Variants in HEATR4 observed in about 807,000 individuals in gnomAD.
HEATR4 encodes HEAT repeat containing 4, also known as HEAT repeat-containing protein 4.
Under a neutral mutation model 108.8 loss-of-function variants are expected in HEATR4, and 95 were observed. The observed-to-expected ratio is 0.87, with a 90% CI of 0.74 to 1.04. The LOEUF (loss-of-function observed/expected upper bound fraction) is 1.04. Among genes scored for constraint, HEATR4 ranks in the 50% least tolerant of loss-of-function variants. HEATR4 has a pLI of 0.00. For missense variants in HEATR4, 1,152 were observed against 1,253.8 expected (o/e 0.92, Z 1.23); for synonymous variants, 443 against 459.4 (o/e 0.96, Z 0.46).
In HEATR4 at chr14:73,537,824, C is replaced by T. The variant is rs1241472292; in HGVS notation, c.-151-7580G>A. On this transcript the variant is annotated intron_variant, in intron 1 of 17. Coordinates refer to ENST00000553558, the MANE Select transcript of HEATR4 (RefSeq NM_001220484.1). Reference sequence around the variant, plus strand: ...GCGCTACTTCCTCCCGCCCGGGGTGCGGCGCGAGCCGGTGCGCGCGGGCCG... The same window carrying T: ...GCGCTACTTCCTCCCGCCCGGGGTGTGGCGCGAGCCGGTGCGCGCGGGCCG... 1.2e-5 allele frequency: 14 copies of T among 1,204,626 alleles called. 4 individuals carry two copies. The highest frequency in any genetic ancestry group is 1.5e-5 in the Non-Finnish European group (14 of 921,376). 74.6% of individuals were successfully genotyped at this position (1,204,626 alleles called of 1,614,324 possible). A position where few individuals can be genotyped will look rare whatever the true frequency, so the allele number is the denominator to read the frequency against.
rs1162595240 is a variant in HEATR4, at chr14:73,509,493, G to A, written c.1559-20C>T. 6.2e-7 allele frequency: 1 copy of A among 1,612,744 alleles called. No homozygotes were observed. The highest frequency in any genetic ancestry group is 1.1e-5 in the South Asian group (1 of 91,018). On this transcript the variant is annotated intron_variant, in intron 7 of 17. Coordinates refer to ENST00000553558, the MANE Select transcript of HEATR4 (RefSeq NM_001220484.1). The stretch of plus-strand genomic sequence containing the variant: ...TCTTGTCTGTGATCAAAAGAGCCAG[G>A]TAAGAGAGTACTAGCCCCTTTGCTT...
chr14:73,497,227 G>C (rs924127803), intron 14 of HEATR4, among the ~76,000 whole-genome samples: 3 of 151,132 alleles, frequency 2.0e-5, no homozygotes, highest in African/African-American at 7.3e-5. Context: ...TTTTAGTAGA[G>C]ACAGGTTTCA....
chr14:73,569,219 C>T, the HEATR4 span: 1 of 1,611,548 alleles, frequency 6.2e-7, no homozygotes, highest in Non-Finnish European at 8.5e-7. Context: ...GGGCGCTTAG[C>T]CTGCGACGGC....
chr14:73,522,731 GAGC>G lies in HEATR4; in HGVS notation c.419_421del (p.Ser140_Ser141delinsThr). The G allele has an allele frequency of 6.2e-7, 1 of 1,614,228 alleles. No individual in the cohort carries two copies. The highest frequency in any genetic ancestry group is 1.1e-5 in the South Asian group (1 of 91,084). ...CTTCAGCTTCTTTTCGGGATTGGCA[GAGC>G]TTTCTGTCTTCACAGCCAGGGAGGT... On this transcript the variant is annotated inframe_deletion, in exon 3 of 18. Coordinates refer to ENST00000553558, the MANE Select transcript of HEATR4 (RefSeq NM_001220484.1).
At chr14:73,607,583 G>A in the HEATR4 span, among the ~76,000 whole-genome samples, 5 of 106,298 alleles carry the variant, frequency 4.7e-5, no homozygotes, top group East Asian at 1.2e-3. Context: ...CTCTGCAGCC[G>A]GCTTGATTTT....
intron 7 of HEATR4, among the ~76,000 whole-genome samples, chr14:73,510,346 A>G (rs1260193912): frequency 6.6e-6 from 1 of 152,102 alleles, no homozygotes; most frequent in Non-Finnish European, 1.5e-5. Context: ...TGGGCCATGC[A>G]TGGCACCAGA....
rs370995902 is a variant in HEATR4 at position 73,498,320 on chromosome 14, C to T, written c.2381G>A (p.Ser794Asn). The change falls in exon 14 of 18, where the codon AGT becomes AAT. Residue 794 changes from serine to asparagine, a missense_variant. Transcript: ENST00000553558. ...IRALGQIGQVSPELTDLLLWA... is the reference protein window; with the variant it reads ...IRALGQIGQVNPELTDLLLWA... The stretch of plus-strand genomic sequence containing the variant: ...GAGCAGAAGATCCGTCAGCTCGGGA[C>T]TTACTTGCCCAATCTGTCCCAAAGC... 5.0e-6 allele frequency: 8 copies of T among 1,607,556 alleles called. No individual in the cohort carries two copies. The highest frequency in any genetic ancestry group is 6.8e-6 in the Non-Finnish European group (8 of 1,175,664).
At chr14:73,619,318 A>G in the HEATR4 span, 1 of 1,613,366 alleles carries the variant, frequency 6.2e-7, no homozygotes, top group Admixed American at 1.7e-5. Context: ...GAAGGGCATC[A>G]CAGCCACTGT....
intron 2 of HEATR4, among the ~76,000 whole-genome samples, chr14:73,524,310 A>AAAAAAAAT: frequency 4.0e-4 from 22 of 54,770 alleles, no homozygotes; most frequent in South Asian, 1.6e-3. Context: ...AAAAAAAAAA[A>AAAAAAAAT]ATATATATAT....
intron 1 of HEATR4, among the ~76,000 whole-genome samples, chr14:73,538,160 A>T (rs1332502381): frequency 2.7e-5 from 3 of 110,738 alleles, no homozygotes; most frequent in African/African-American, 8.8e-5. Context: ...TTTTATTTTT[A>T]TTTTTTTTCG....
At chr14:73,588,854 C>G in the HEATR4 span, among the ~76,000 whole-genome samples, 1 of 151,988 alleles carries the variant, frequency 6.6e-6, no homozygotes, top group African/African-American at 2.4e-5. Context: ...ACCCTGGACC[C>G]TCAGATTAAA....
chr14:73,592,736 C>T, the HEATR4 span, among the ~76,000 whole-genome samples: 1 of 152,238 alleles, frequency 6.6e-6, no homozygotes, highest in Non-Finnish European at 1.5e-5. Flanking sequence ...GCCTGTAGTC[C>T]CAGCCACTCG....
chr14:73,506,684 A>T, intron 9 of HEATR4, 113 bp from the exon 10 acceptor site: 7 of 699,512 alleles, frequency 1.0e-5, no homozygotes, highest in Non-Finnish European at 1.7e-5. Context: ...CAGTGGGCTT[A>T]CAAGAGATGG....
chr14:73,532,233 C>T lies in HEATR4; in HGVS notation c.-151-1989G>A, dbSNP rs1888728181. On this transcript the variant is annotated intron_variant, in intron 1 of 17. Coordinates refer to ENST00000553558, the MANE Select transcript of HEATR4 (RefSeq NM_001220484.1). ...TTTTCCATTCCCCTTTCAGCTCCTC[C>T]ACTGCTACTTAATCTCCTTTGCCCA... is the stretch of plus-strand genomic sequence containing the variant. Among the ~76,000 whole-genome samples, 3 of 114,552 alleles carry T rather than the reference C, an allele frequency of 2.6e-5. 1 individual carries two copies. The allele number at this position is 114,552 out of a possible 152,430, so 75.2% of individuals were successfully genotyped here.
chr14:73,478,486 CT>C lies in HEATR4; in HGVS notation c.*119del. The C allele has an allele frequency of 2.8e-6, 2 of 717,992 alleles. No homozygotes were observed. Among genetic ancestry groups the C allele is most frequent in the Non-Finnish European group, 4.9e-6 (2 of 409,942 alleles). 44.5% of individuals were successfully genotyped at this position (717,992 alleles called of 1,614,324 possible). On this transcript the variant is annotated 3_prime_UTR_variant, in exon 18 of 18. Transcript: ENST00000553558. ...AGTGCGCATTAAGACATGAGGTCTA[CT>C]GTTAAATAATTTCTCTTTATAAACA...
intron 9 of HEATR4, among the ~76,000 whole-genome samples, chr14:73,506,860 G>A (rs929098547): frequency 3.7e-5 from 5 of 133,692 alleles, no homozygotes; most frequent in Non-Finnish European, 7.7e-5. Flanking sequence ...GAGTGCAGTG[G>A]CACAATCTCG....
In HEATR4 at chr14:73,492,082, A is replaced by G. The variant is rs1566820467; in HGVS notation, c.2844+984T>C. The G allele has an allele frequency of 6.2e-7, 1 of 1,613,422 alleles. No individual in the cohort carries two copies. Among genetic ancestry groups the G allele is most frequent in the Non-Finnish European group, 8.5e-7 (1 of 1,179,746 alleles). On this transcript the variant is annotated intron_variant, in intron 17 of 17. Coordinates refer to ENST00000553558, the MANE Select transcript of HEATR4 (RefSeq NM_001220484.1). The surrounding 1 kb of genome is among the most constrained non-coding windows in gnomAD (Gnocchi z 4.9). ...TCGTGCTGCAGCTGGAAGGTAGGAAACTCTGGCGTGTATACCGACCCCGAG... is the reference window on the plus strand; with the variant it reads ...TCGTGCTGCAGCTGGAAGGTAGGAAGCTCTGGCGTGTATACCGACCCCGAG...
chr14:73,497,581 A>G (rs943197320), intron 14 of HEATR4, among the ~76,000 whole-genome samples: 5 of 152,214 alleles, frequency 3.3e-5, no homozygotes, highest in African/African-American at 9.6e-5. Context: ...TGTTGTCCCA[A>G]TAGGCATTTG....
At chr14:73,568,157 GATTA>G in the HEATR4 span, 5 of 152,058 alleles carry the variant, frequency 3.3e-5, no homozygotes, top group African/African-American at 7.2e-5. Flanking sequence ...GGAATTGTAT[GATTA>G]ATGACGTGGG....
Sources: gnomAD v4.1 joint callset for allele counts (sites outside exome capture counted in the v4.1 genomes callset) on GRCh38, gnomAD v4.1.1 for gene constraint, Gnocchi (gnomAD v3.1) non-coding constraint, MANE v1.5 for transcripts, NCBI Gene and HGNC (gene_info 2026-07-23, HGNC 2026-07-21) for gene names.